KCND2: variants seen among roughly 807,000 people sequenced by gnomAD.
The protein encoded by KCND2 is potassium voltage-gated channel subfamily D member 2.
A neutral mutation model predicts 54.4 loss-of-function variants in KCND2; 16 were observed. The ratio of observed to expected loss-of-function variants is 0.29; its 90% confidence interval spans 0.20 to 0.45. The LOEUF is 0.45. Ranked by LOEUF, KCND2 falls within the 20% of genes least tolerant of loss-of-function variation. KCND2 has a pLI of 1.00. For missense variants in KCND2, 486 were observed against 824.2 expected (o/e 0.59, Z 5.02); for synonymous variants, 317 against 310.7 (o/e 1.02, Z -0.21).
intron 1 of KCND2, among the ~76,000 whole-genome samples, chr7:120,570,374 C>T (rs779452190): frequency 2.7e-5 from 4 of 150,642 alleles, no homozygotes; most frequent in Non-Finnish European, 2.9e-5. Flanking sequence ...ATTATATCCA[C>T]GTAATACAAC....
intron 1 of KCND2, among the ~76,000 whole-genome samples, chr7:120,492,443 CTCTTA>C (rs1366139749): frequency 6.6e-6 from 1 of 151,864 alleles, no homozygotes; most frequent in Non-Finnish European, 1.5e-5. Flanking sequence ...TCTATCTGGG[CTCTTA>C]TCTTTTAAAT....
intron 1 of KCND2, among the ~76,000 whole-genome samples, chr7:120,604,545 A>G (rs889867283): frequency 1.1e-5 from 1 of 93,566 alleles, no homozygotes; most frequent in Admixed American, 1.1e-4. Context: ...AATAATAATA[A>G]TAATAATATT....
chr7:120,425,383 T>C (rs1801692837), intron 1 of KCND2, among the ~76,000 whole-genome samples: 1 of 152,238 alleles, frequency 6.6e-6, no homozygotes, highest in African/African-American at 2.4e-5. Flanking sequence ...GATGCCTGCC[T>C]GCGACAATAT....
intron 1 of KCND2, among the ~76,000 whole-genome samples, chr7:120,515,652 C>T (rs1803184965): frequency 6.6e-6 from 1 of 152,028 alleles, no homozygotes; most frequent in South Asian, 2.1e-4. Context: ...TTGGGACTCA[C>T]CACCCCAAAA....
At chr7:120,392,073 T>C (rs536458172) in intron 1 of KCND2, among the ~76,000 whole-genome samples, 1 of 152,274 alleles carries the variant, frequency 6.6e-6, no homozygotes, top group East Asian at 1.9e-4. Flanking sequence ...CTTTAATCCA[T>C]CTTGAGTTAA....
intron 1 of KCND2, among the ~76,000 whole-genome samples, chr7:120,662,693 A>G (rs1440918182): frequency 6.6e-6 from 1 of 152,226 alleles, no homozygotes; most frequent in Non-Finnish European, 1.5e-5. Context: ...TACTTCAGAT[A>G]ACTCAGCCAC....
At chr7:120,329,985 G>A (rs989166638) in intron 1 of KCND2, among the ~76,000 whole-genome samples, 1 of 151,928 alleles carries the variant, frequency 6.6e-6, no homozygotes, top group East Asian at 1.9e-4. Flanking sequence ...TCTTTTAATA[G>A]GATGTTCACC....
At chr7:120,432,243 G>C (rs1365222844) in intron 1 of KCND2, among the ~76,000 whole-genome samples, 1 of 152,138 alleles carries the variant, frequency 6.6e-6, no homozygotes, top group East Asian at 1.9e-4. Context: ...ACATATTCTA[G>C]TGTACTAATA....
intron 1 of KCND2, among the ~76,000 whole-genome samples, chr7:120,433,082 A>C (rs149757935): frequency 6.6e-6 from 1 of 152,272 alleles, no homozygotes; most frequent in East Asian, 1.9e-4. Context: ...ACACACAGGA[A>C]GGAGATTTGG....
At position 120,577,948 on chromosome 7, in the gene KCND2, C is replaced by G. The variant is rs1008223597; in HGVS notation, c.1116-154955C>G. 1.3e-4 allele frequency among the ~76,000 whole-genome samples: 19 copies of G among 151,912 alleles called. 1 individual carries two copies. The highest frequency in any genetic ancestry group is 4.6e-4 in the African/African-American group (19 of 41,350). Reference sequence around the variant, plus strand: ...AGGCATGGCAGTTCACACCTGTAATCCTAGCACTTTGGGAAGCTGAGGCAG... The same window carrying G: ...AGGCATGGCAGTTCACACCTGTAATGCTAGCACTTTGGGAAGCTGAGGCAG... On this transcript the variant is annotated intron_variant, in intron 1 of 5. Transcript: ENST00000331113.
chr7:120,545,270 G>T (rs1319279912), intron 1 of KCND2, among the ~76,000 whole-genome samples: 1 of 151,862 alleles, frequency 6.6e-6, no homozygotes, highest in Non-Finnish European at 1.5e-5. Flanking sequence ...CTGAGAATGA[G>T]ATAGTACAAG....
intron 1 of KCND2, among the ~76,000 whole-genome samples, chr7:120,399,583 T>C (rs139165230): frequency 0.027 from 4,060 of 152,140 alleles, 83 homozygotes; most frequent in Non-Finnish European, 0.045. Flanking sequence ...TTGGAAATAG[T>C]TAACAATAAA....
chr7:120,503,647 G>A (rs1463568192), intron 1 of KCND2, among the ~76,000 whole-genome samples: 2 of 151,826 alleles, frequency 1.3e-5, no homozygotes, highest in African/African-American at 4.8e-5. Context: ...GCTTGCCCAC[G>A]ATTCTGCTCA....
Position 120,682,301 on chromosome 7 carries a change from C to T in KCND2, c.1116-50602C>T, listed in dbSNP as rs546361903. Among the ~76,000 whole-genome samples, 43 of 151,960 alleles carry T rather than the reference C, an allele frequency of 2.8e-4. 1 individual carries two copies. The South Asian group carries it at 8.9e-3, about 32-fold the overall frequency. On this transcript the variant is annotated intron_variant, in intron 1 of 5. Coordinates refer to ENST00000331113, the MANE Select transcript of KCND2 (RefSeq NM_012281.3). ...TATTAATAAACATGGGGTATTAATACACAATAAATTATATTATCGAGATAT... is the reference window on the plus strand; with the variant it reads ...TATTAATAAACATGGGGTATTAATATACAATAAATTATATTATCGAGATAT...
At chr7:120,488,444 G>T (rs1802725388) in intron 1 of KCND2, among the ~76,000 whole-genome samples, 1 of 151,672 alleles carries the variant, frequency 6.6e-6, no homozygotes, top group African/African-American at 2.4e-5. Context: ...TCTTGATTTG[G>T]AAAAAAAGTT....
intron 1 of KCND2, among the ~76,000 whole-genome samples, chr7:120,287,856 C>T (rs1211431165): frequency 6.6e-6 from 1 of 151,998 alleles, no homozygotes; most frequent in Non-Finnish European, 1.5e-5. Context: ...AACAACAGAA[C>T]ATTTAAAACT....
At chr7:120,739,891 C>T (rs929188119) in intron 2 of KCND2, among the ~76,000 whole-genome samples, 1 of 151,850 alleles carries the variant, frequency 6.6e-6, no homozygotes, top group Non-Finnish European at 1.5e-5. Flanking sequence ...TAGATAAGCT[C>T]ATCATCATAT....
chr7:120,429,091 G>A (rs1346641546), intron 1 of KCND2, among the ~76,000 whole-genome samples: 1 of 152,142 alleles, frequency 6.6e-6, no homozygotes, highest in Non-Finnish European at 1.5e-5. Flanking sequence ...TTGAATGTTA[G>A]GTTTGTATAG....
intron 1 of KCND2, among the ~76,000 whole-genome samples, chr7:120,318,325 A>G (rs79062394): frequency 0.011 from 1,743 of 152,262 alleles, 17 homozygotes; most frequent in Non-Finnish European, 0.018. Context: ...ATGATTACAT[A>G]TAAAATTTGA....
Sources: allele counts gnomAD v4.1 joint callset (sites outside exome capture counted in the v4.1 genomes callset), GRCh38; gene constraint gnomAD v4.1.1; transcripts MANE v1.5; gene names NCBI Gene and HGNC (gene_info 2026-07-23, HGNC 2026-07-21).